PIEZO1: variants seen among roughly 807,000 people sequenced by gnomAD.
The protein encoded by PIEZO1 is piezo-type mechanosensitive ion channel component 1.
Under a neutral mutation model 297.2 loss-of-function variants are expected in PIEZO1, and 296 were observed. That is an observed-to-expected ratio of 1.00 (90% CI 0.91 to 1.10). PIEZO1 has a LOEUF of 1.10. PIEZO1 is among the 50% of genes least tolerant of loss of function. The pLI, the probability that PIEZO1 is intolerant of heterozygous loss-of-function variation, is 0.00. For synonymous variants in PIEZO1, 2,427 were observed against 1,507.5 expected, an observed-to-expected ratio of 1.61 and a Z score of -14.13; for missense variants, 5,018 against 3,455.5, an observed-to-expected ratio of 1.45 and a Z score of -11.34.
intron 2 of PIEZO1, chr16:88,743,798 C>G (rs1250725555): frequency 5.1e-6 from 2 of 389,134 alleles, no homozygotes; most frequent in Non-Finnish European, 1.0e-5. Flanking sequence ...GCTTCTCACA[C>G]TCACACCTTC....
intron 50 of PIEZO1, 21 bp from the exon 51 acceptor site, chr16:88,715,875 T>G (rs1252132023): frequency 6.5e-7 from 1 of 1,547,340 alleles, no homozygotes; most frequent in Non-Finnish European, 8.7e-7. Flanking sequence ...AGCTGGTGAG[T>G]CCTGGGGCCG....
chr16:88,778,390 T>C (rs1201612377), intron 1 of PIEZO1, among the ~76,000 whole-genome samples: 1 of 151,946 alleles, frequency 6.6e-6, no homozygotes, highest in Non-Finnish European at 1.5e-5. Context: ...CACAGAAAAA[T>C]AGTGTGCAGA....
chr16:88,716,920 G>GGGGCCACGAA (rs1223935094), intron 45 of PIEZO1, 22 bp from the exon 46 acceptor site: 1 of 1,548,434 alleles, frequency 6.5e-7, no homozygotes, highest in African/African-American at 1.4e-5. Context: ...ACGGGGACAC[G>GGGGCCACGAA]GGGCCACGAA....
chr16:88,727,637 GC>G lies in PIEZO1; in HGVS notation c.3220del (p.Ala1074ProfsTer4). On this transcript the variant is annotated frameshift_variant, in exon 23 of 51. Transcript: ENST00000301015. LOFTEE classifies it high-confidence loss of function. ...CIDYPWRWSR[A>X]VPMNSALIKW... ...GATGAGTGCGGAGTTCATGGGGACG[GC>G]CCGGCTCCAGCGCCAGGGATAATCT... 1 of 1,496,834 alleles carries G rather than the reference GC, an allele frequency of 6.7e-7. No homozygotes were observed. The highest frequency in any genetic ancestry group is 9.0e-7 in the Non-Finnish European group (1 of 1,113,910). 92.7% of individuals were successfully genotyped at this position (1,496,834 alleles called of 1,614,324 possible). A position where few individuals can be genotyped will look rare whatever the true frequency, so the allele number is the denominator to read the frequency against.
At chr16:88,742,535 G>T in intron 2 of PIEZO1, 113 bp from the exon 3 acceptor site, 2 of 1,126,894 alleles carry the variant, frequency 1.8e-6, no homozygotes, top group South Asian at 1.5e-5. Context: ...GGCCTGAGAT[G>T]CAAACCCGCC....
intron 1 of PIEZO1, among the ~76,000 whole-genome samples, chr16:88,757,685 C>A (rs1318241838): frequency 6.6e-5 from 10 of 152,124 alleles, no homozygotes; most frequent in Admixed American, 5.2e-4. Context: ...GGGTTCCTGG[C>A]CCTGAAGGAG....
In PIEZO1 at chr16:88,731,772, A is replaced by G. The variant is rs1300759548; in HGVS notation, c.3130T>C (p.Phe1044Leu). The change falls in exon 22 of 51, where the codon TTC becomes CTC. Residue 1044 changes from phenylalanine (F) to leucine (L), a missense_variant. Phe to Leu is a conservative substitution (Grantham distance 22, BLOSUM62 0). Transcript: ENST00000301015. ...TGGTACAGCAGGAACAGCGCCAGGA[A>G]GAGGCAGTAGTTGGGCCAGAGGCGG... ...IARLWPNYCL[F>L]LALFLLYQYL... The G allele has an allele frequency of 2.6e-6, 4 of 1,549,592 alleles. No individual in the cohort carries two copies. Among genetic ancestry groups the G allele is most frequent in the Non-Finnish European group, 3.5e-6 (4 of 1,146,804 alleles).
At chr16:88,778,903 A>G (rs1907797964) in intron 1 of PIEZO1, among the ~76,000 whole-genome samples, 1 of 152,298 alleles carries the variant, frequency 6.6e-6, no homozygotes, top group African/African-American at 2.4e-5. Context: ...CGGCCGTTCC[A>G]GCTGGGAGAG....
rs1912381715 is a variant in PIEZO1, at chr16:88,720,754, G to A, written c.5669-6C>T. 6.8e-7 allele frequency: 1 copy of A among 1,479,818 alleles called. No individual in the cohort carries two copies. Among genetic ancestry groups the A allele is most frequent in the Middle Eastern group, 1.8e-4 (1 of 5,614 alleles). 91.7% of individuals were successfully genotyped at this position (1,479,818 alleles called of 1,614,324 possible). A position where few individuals can be genotyped will look rare whatever the true frequency, so the allele number is the denominator to read the frequency against. ...TTCCTCCCTGTCCTCAGCTTCTGTAGGGAAAAGCTGACTTCTGCCTGGGCC... is the reference window on the plus strand; with the variant it reads ...TTCCTCCCTGTCCTCAGCTTCTGTAAGGAAAAGCTGACTTCTGCCTGGGCC... On this transcript the variant is annotated splice_region_variant and splice_polypyrimidine_tract_variant and intron_variant, in intron 39 of 50. Transcript: ENST00000301015.
chr16:88,747,448 G>A (rs1327012518), intron 2 of PIEZO1, among the ~76,000 whole-genome samples: 4 of 152,334 alleles, frequency 2.6e-5, no homozygotes, highest in South Asian at 4.1e-4. Context: ...CCCGCGAGGC[G>A]GAGGTTGCAG....
In PIEZO1 at chr16:88,732,550, G is replaced by C; in HGVS notation, c.2791-15C>G. ...TGCAGGTGGTTCTGCGGAGGGCAAG[G>C]GTCAGGGGGCAGCCGGGTACTCGCC... On this transcript the variant is annotated splice_polypyrimidine_tract_variant and intron_variant, in intron 20 of 50. Coordinates refer to ENST00000301015, the MANE Select transcript of PIEZO1 (RefSeq NM_001142864.4). The C allele has an allele frequency of 6.5e-7, 1 of 1,544,280 alleles. No homozygotes were observed.
rs555582997 is a variant in PIEZO1, at chr16:88,726,894, C to A, written c.3520G>T (p.Val1174Leu). 6.4e-7 allele frequency: 1 copy of A among 1,550,392 alleles called. No homozygotes were observed. ...ATGCGGGTGGCCCCCGTGACAAACA[C>A]CACCACCAGCACCAGCCAGAACAGG... ...RYLFWLVLVV[V>L]FVTGATRISI... The change falls in exon 25 of 51, where the codon GTG becomes TTG. Residue 1174 changes from valine (V) to leucine (L), a missense_variant. Physicochemically the swap from Val to Leu is conservative, Grantham distance 32. Coordinates refer to ENST00000301015, the MANE Select transcript of PIEZO1 (RefSeq NM_001142864.4).
chr16:88,716,792 C>T lies in PIEZO1; in HGVS notation c.6753+14G>A, dbSNP rs758698931. ...CCTCCCCACACCAGCTTTCACAGGG[C>T]AGAGGCCACTTACCGGCTGGGGGTC... is the stretch of plus-strand genomic sequence containing the variant. On this transcript the variant is annotated intron_variant, in intron 46 of 50. Transcript: ENST00000301015. 1.0e-5 allele frequency: 16 copies of T among 1,549,636 alleles called. No homozygotes were observed. Among genetic ancestry groups the T allele is most frequent in the African/African-American group, 1.4e-5 (1 of 73,076 alleles).
Position 88,722,326 on chromosome 16 carries a change from TGGTAGCC to T in PIEZO1, c.4840_4846del (p.Gly1614ThrfsTer26). 1.9e-6 allele frequency: 3 copies of T among 1,544,378 alleles called. No individual in the cohort carries two copies. Among genetic ancestry groups the T allele is most frequent in the Non-Finnish European group, 8.7e-7 (1 of 1,144,546 alleles). On this transcript the variant is annotated frameshift_variant, in exon 36 of 51. Coordinates refer to ENST00000301015, the MANE Select transcript of PIEZO1 (RefSeq NM_001142864.4). LOFTEE classifies it high-confidence loss of function. The stretch of plus-strand genomic sequence containing the variant: ...TGCCTCCTCACTGCCACTGCGCGTG[TGGTAGCC>T]GGTGCTCAGGGGGCTGCCCATGTCG...
chr16:88,760,445 T>C (rs886364862), intron 1 of PIEZO1, among the ~76,000 whole-genome samples: 14 of 152,264 alleles, frequency 9.2e-5, no homozygotes, highest in Non-Finnish European at 1.8e-4. Flanking sequence ...CAGAGACCTT[T>C]GAACCAACCC....
At chr16:88,723,195 C>T (rs1904295769) in intron 32 of PIEZO1, 31 bp downstream of exon 32, 1 of 1,549,110 alleles carries the variant, frequency 6.5e-7, no homozygotes, top group Non-Finnish European at 8.7e-7. Flanking sequence ...CCCGCGGCTT[C>T]CCCTCAGAGT....
At position 88,716,074 on chromosome 16, in the gene PIEZO1, T is replaced by C. The variant is rs1162591534; in HGVS notation, c.7175A>G (p.Glu2392Gly). 23 of 1,549,788 alleles carry C rather than the reference T, an allele frequency of 1.5e-5. No homozygotes were observed. Among genetic ancestry groups the C allele is most frequent in the Non-Finnish European group, 1.9e-5 (22 of 1,146,752 alleles). The change falls in exon 50 of 51, where the codon GAG becomes GGG. Residue 2392 changes from glutamate to glycine, a missense_variant. By Grantham distance (98) the Glu-to-Gly change is moderately conservative. Transcript: ENST00000301015. ...YLGVRIQLRR[E>G]QGAGATGFLE... is the part of the protein sequence containing the mutation. Reference sequence around the variant, plus strand: ...GAAGCCGGTGGCCCCCGCACCCTGCTCCCTCCGCAGCTGGATACGCACGCC... The same window carrying C: ...GAAGCCGGTGGCCCCCGCACCCTGCCCCCTCCGCAGCTGGATACGCACGCC...
intron 2 of PIEZO1, chr16:88,743,424 C>T (rs1426241607): frequency 1.4e-5 from 6 of 437,336 alleles, no homozygotes; most frequent in South Asian, 3.2e-5. Flanking sequence ...CCACCAGCCA[C>T]GCCCGGCCAC....
At chr16:88,748,494 C>A (rs1019759057) in intron 2 of PIEZO1, among the ~76,000 whole-genome samples, 3 of 123,104 alleles carry the variant, frequency 2.4e-5, no homozygotes, top group South Asian at 2.3e-4. Flanking sequence ...CAGCTCCCCC[C>A]CCCCCCCGCA....
Sources: allele counts gnomAD v4.1 joint callset (sites outside exome capture counted in the v4.1 genomes callset), GRCh38; gene constraint gnomAD v4.1.1; transcripts MANE v1.5; gene names NCBI Gene and HGNC (gene_info 2026-07-23, HGNC 2026-07-21).